The following VWF variants were observed in gnomAD, a reference collection of about 807,000 sequenced individuals.
VWF encodes the protein von Willebrand factor, also known as Factor VIII related antigen.
VWF carries 176 observed loss-of-function variants against 308.6 expected under a neutral mutation model. The observed-to-expected ratio is 0.57, with a 90% CI of 0.50 to 0.65. VWF has a LOEUF of 0.65. Ranked by LOEUF, VWF falls within the 30% of genes least tolerant of loss-of-function variation. The probability of loss-of-function intolerance (pLI) is 0.00; values close to 1 mark genes in which losing one functional copy is unlikely to be tolerated. For missense variants in VWF, 3,146 were observed against 3,648.2 expected, an observed-to-expected ratio of 0.86 and a Z score of 3.55; for synonymous variants, 1,385 against 1,443.4, an observed-to-expected ratio of 0.96 and a Z score of 0.92.
chr12:6,099,645 G>A (rs1268059185), intron 5 of VWF, among the ~76,000 whole-genome samples: 5 of 152,072 alleles, frequency 3.3e-5, no homozygotes, highest in Non-Finnish European at 7.4e-5. Flanking sequence ...ATGGGGAAGG[G>A]ATTCCCTATT....
At chr12:5,999,044 T>C (rs1002398833) in intron 34 of VWF, among the ~76,000 whole-genome samples, 2 of 152,114 alleles carry the variant, frequency 1.3e-5, no homozygotes, top group Admixed American at 1.3e-4. Context: ...AACTTTAAAA[T>C]AGCCGTAAAT....
intron 38 of VWF, among the ~76,000 whole-genome samples, chr12:5,988,088 T>C (rs113241997): frequency 0.012 from 1,815 of 151,850 alleles, 43 homozygotes; most frequent in African/African-American, 0.041. Flanking sequence ...CTCACAAGGG[T>C]GCACCTATGA....
chr12:6,117,065 A>C (rs372021979), intron 3 of VWF, among the ~76,000 whole-genome samples: 41 of 152,190 alleles, frequency 2.7e-4, no homozygotes, highest in East Asian at 7.7e-4. Context: ...ACCACCACCA[A>C]CAAGAGGCAA....
chr12:6,046,680 G>A lies in VWF; in HGVS notation c.2281+43C>T. ...CGCCATTCCACACGTGAGGAATCTG[G>A]GCAGGATGGAGTCAATGGGCCTTCC... On this transcript the variant is annotated intron_variant, in intron 17 of 51. Transcript: ENST00000261405. The surrounding 1 kb of genome is among the most constrained non-coding windows in gnomAD (Gnocchi z 5.0). The A allele has an allele frequency of 6.3e-7, 1 of 1,574,826 alleles. No individual in the cohort carries two copies. The highest frequency in any genetic ancestry group is 8.7e-7 in the Non-Finnish European group (1 of 1,144,452).
chr12:5,969,415 A>G (rs1409997751), intron 44 of VWF, 24 bp from the exon 45 acceptor site: 3 of 1,613,918 alleles, frequency 1.9e-6, no homozygotes, highest in Non-Finnish European at 2.5e-6. Flanking sequence ...GAGTTAGTCC[A>G]ACAAGCTGGG....
intron 19 of VWF, 144 bp downstream of exon 19, chr12:6,036,244 G>A: frequency 2.8e-6 from 2 of 720,450 alleles, no homozygotes; most frequent in Non-Finnish European, 5.0e-6. Context: ...TACAGATGGA[G>A]AAACACAGGC....
intron 47 of VWF, among the ~76,000 whole-genome samples, chr12:5,964,702 C>T (rs1383102117): frequency 1.3e-5 from 2 of 152,132 alleles, no homozygotes; most frequent in Non-Finnish European, 2.9e-5. Flanking sequence ...ATGAACTTGG[C>T]GTGTCTTCAG....
Position 6,020,427 on chromosome 12 carries a change from T to C in VWF, c.3675-684A>G, listed in dbSNP as rs1369728222. 6.6e-6 allele frequency among the ~76,000 whole-genome samples: 1 copy of C among 152,230 alleles called. No homozygotes were observed. Among genetic ancestry groups the C allele is most frequent in the East Asian group, 1.9e-4 (1 of 5,200 alleles). On this transcript the variant is annotated intron_variant, in intron 27 of 51. Transcript: ENST00000261405. The surrounding 1 kb of genome is among the most constrained non-coding windows in gnomAD (Gnocchi z 4.3). Reference sequence around the variant, plus strand: ...CATTCACTCATTCCTCCAGCAGACATAGGGTGAGCACCTCTCATGTGCCAG... The same window carrying C: ...CATTCACTCATTCCTCCAGCAGACACAGGGTGAGCACCTCTCATGTGCCAG...
intron 40 of VWF, among the ~76,000 whole-genome samples, chr12:5,984,130 TTTC>T (rs1943649911): frequency 6.6e-6 from 1 of 152,210 alleles, no homozygotes; most frequent in South Asian, 2.1e-4. Context: ...TCTAGACCTG[TTTC>T]TTCTTCTGGA....
chr12:5,999,073 C>T (rs1291533279), intron 34 of VWF, among the ~76,000 whole-genome samples: 2 of 152,174 alleles, frequency 1.3e-5, no homozygotes, highest in African/African-American at 4.8e-5. Flanking sequence ...AGAGAAAAAA[C>T]ACCAAATCCC....
At chr12:6,090,808 A>G (rs2136493093) in intron 6 of VWF, among the ~76,000 whole-genome samples, 1 of 152,360 alleles carries the variant, frequency 6.6e-6, no homozygotes, top group Middle Eastern at 3.4e-3. Context: ...CAGATTCACA[A>G]AGCCAGTAAG....
At chr12:6,089,877 C>T (rs537638360) in intron 6 of VWF, among the ~76,000 whole-genome samples, 32 of 152,290 alleles carry the variant, frequency 2.1e-4, no homozygotes, top group African/African-American at 7.7e-4. Flanking sequence ...CACTGAAGGG[C>T]AGCCGAGGGT....
At position 6,018,849 on chromosome 12, in the gene VWF, C is replaced by T; in HGVS notation, c.4569G>A (p.Glu1523=). The change falls in exon 28 of 52, where the codon GAG becomes GAA. Residue 1523 remains glutamate, a synonymous_variant. Transcript: ENST00000261405. The part of the protein sequence containing the change: ...DFNRSKEFME[E]VIQRMDVGQD... ...GGCCCACATCCATCCGCTGAATCACCTCCTCCATGAACTCCTTGCTCCTGT... is the reference window on the plus strand; with the variant it reads ...GGCCCACATCCATCCGCTGAATCACTTCCTCCATGAACTCCTTGCTCCTGT... The T allele has an allele frequency of 6.2e-7, 1 of 1,613,980 alleles. No homozygotes were observed. Among genetic ancestry groups the T allele is most frequent in the Non-Finnish European group, 8.5e-7 (1 of 1,179,868 alleles).
At chr12:5,949,601 T>C (rs1943155976) in intron 51 of VWF, among the ~76,000 whole-genome samples, 185 bp downstream of exon 51, 1 of 152,190 alleles carries the variant, frequency 6.6e-6, no homozygotes, top group Non-Finnish European at 1.5e-5. Flanking sequence ...TTTTGTTTTT[T>C]TCCTGGAGTC....
chr12:5,982,788 T>G (rs569761277), intron 41 of VWF, among the ~76,000 whole-genome samples: 1 of 152,258 alleles, frequency 6.6e-6, no homozygotes, highest in South Asian at 2.1e-4. Flanking sequence ...GGGAATAAGA[T>G]CCAATGATGA....
intron 6 of VWF, among the ~76,000 whole-genome samples, chr12:6,083,898 G>C (rs577312871): frequency 6.2e-4 from 95 of 152,242 alleles, no homozygotes; most frequent in African/African-American, 2.0e-3. Flanking sequence ...TTTCTACTGC[G>C]GGAATGTAGT....
At chr12:5,974,348 C>T (rs760837608) in intron 43 of VWF, among the ~76,000 whole-genome samples, 5 of 152,134 alleles carry the variant, frequency 3.3e-5, no homozygotes, top group East Asian at 3.9e-4. Context: ...ACAGGGCACT[C>T]GATTCCCTAG....
In VWF at chr12:6,019,753, A is replaced by C; in HGVS notation, c.3675-10T>G. ...GACAACATCACAGTGGCTGCAGAAAAGAGCGAAGAAATTAAAATGGTTCAG... is the reference window on the plus strand; with the variant it reads ...GACAACATCACAGTGGCTGCAGAAACGAGCGAAGAAATTAAAATGGTTCAG... On this transcript the variant is annotated splice_polypyrimidine_tract_variant and intron_variant, in intron 27 of 51. Transcript: ENST00000261405. This position sits in a 1 kb window ranked among gnomAD's most constrained non-coding sequence, Gnocchi z 5.8. The C allele has an allele frequency of 6.2e-7, 1 of 1,607,258 alleles. No individual in the cohort carries two copies.
Position 6,063,150 on chromosome 12 carries a change from G to T in VWF, c.1433-96C>A, listed in dbSNP as rs554845679. On this transcript the variant is annotated intron_variant, in intron 12 of 51. Coordinates refer to ENST00000261405, the MANE Select transcript of VWF (RefSeq NM_000552.5). The surrounding 1 kb of genome is among the most constrained non-coding windows in gnomAD (Gnocchi z 4.9). ...GGGAGGAAATGGGGTGTCTCAAAAG[G>T]ATGGTAGCACTGAAGAGCAATGACT... 6.9e-6 allele frequency: 7 copies of T among 1,013,334 alleles called. No individual in the cohort carries two copies. In the East Asian group the frequency reaches 1.8e-4, roughly 26 times the overall value. 62.8% of individuals were successfully genotyped at this position (1,013,334 alleles called of 1,614,324 possible). A position where few individuals can be genotyped will look rare whatever the true frequency, so the allele number is the denominator to read the frequency against.
Sources: allele counts gnomAD v4.1 joint callset (sites outside exome capture counted in the v4.1 genomes callset), GRCh38; gene constraint gnomAD v4.1.1; non-coding constraint Gnocchi (gnomAD v3.1); transcripts MANE v1.5; gene names NCBI Gene and HGNC (gene_info 2026-07-23, HGNC 2026-07-21).